Variants in CDH4 observed in about 807,000 individuals in gnomAD.
CDH4 encodes the protein cadherin-4.
In CDH4, 33 loss-of-function variants were observed where a neutral mutation model predicts 86.0. The ratio of observed to expected loss-of-function variants is 0.38; its 90% CI spans 0.29 to 0.51. The LOEUF is 0.51. Ranked by LOEUF, CDH4 falls within the 20% of genes least tolerant of loss-of-function variation. CDH4 has a pLI of 0.86. For missense variants in CDH4, 1,114 were observed against 1,307.4 expected (o/e 0.85, Z 2.28); for synonymous variants, 555 against 549.4 (o/e 1.01, Z -0.14).
chr20:61,751,624 C>A (rs1004251531), intron 3 of CDH4, among the ~76,000 whole-genome samples: 1 of 152,314 alleles, frequency 6.6e-6, no homozygotes, highest in African/African-American at 2.4e-5. Flanking sequence ...AGCCCACAGG[C>A]CTTTTATGGC....
intron 2 of CDH4, among the ~76,000 whole-genome samples, chr20:61,710,384 C>T (rs372238956): frequency 2.6e-5 from 4 of 152,200 alleles, no homozygotes; most frequent in African/African-American, 4.8e-5. Context: ...TGGATGAAGG[C>T]GGTACAGGAA....
chr20:61,850,007 C>T (rs779212381), intron 5 of CDH4, among the ~76,000 whole-genome samples: 8 of 152,328 alleles, frequency 5.3e-5, no homozygotes, highest in South Asian at 2.1e-4. Flanking sequence ...GTGGCGAGGA[C>T]GCATCCCCAG....
At chr20:61,758,302 G>A (rs892791085) in intron 3 of CDH4, among the ~76,000 whole-genome samples, 1 of 152,198 alleles carries the variant, frequency 6.6e-6, no homozygotes, top group African/African-American at 2.4e-5. Flanking sequence ...CAGATGCAAA[G>A]AGCCAAGCCA....
intron 2 of CDH4, among the ~76,000 whole-genome samples, chr20:61,291,818 T>TTA (rs2084322929): frequency 6.6e-6 from 1 of 152,198 alleles, no homozygotes; most frequent in African/African-American, 2.4e-5. Context: ...TCACAAGGGC[T>TTA]TATTATACAT....
intron 2 of CDH4, among the ~76,000 whole-genome samples, chr20:61,631,324 G>C (rs749596842): frequency 1.3e-5 from 2 of 152,226 alleles, no homozygotes; most frequent in East Asian, 3.9e-4. Context: ...CTTCAAGTTC[G>C]GTGGGGCTTG....
In CDH4 at chr20:61,491,784, T is replaced by C. The variant is rs555660244; in HGVS notation, c.169+236847T>C. Reference sequence around the variant, plus strand: ...GTGCCATTGCTCTTGATGTTGATGCTGATGTAATGGTGTTGATGTTGGTGG... The same window carrying C: ...GTGCCATTGCTCTTGATGTTGATGCCGATGTAATGGTGTTGATGTTGGTGG... On this transcript the variant is annotated intron_variant, in intron 2 of 15. Coordinates refer to ENST00000614565, the MANE Select transcript of CDH4 (RefSeq NM_001794.5). Among the ~76,000 whole-genome samples, 73 of 152,278 alleles carry C rather than the reference T, an allele frequency of 4.8e-4. 3 individuals carry two copies. The South Asian group carries it at 0.015, about 31-fold the overall frequency.
At chr20:61,928,686 C>T (rs943627007) in intron 12 of CDH4, among the ~76,000 whole-genome samples, 3 of 152,228 alleles carry the variant, frequency 2.0e-5, no homozygotes, top group Admixed American at 1.3e-4. Flanking sequence ...TGCCCATGTA[C>T]ATCCATGACA....
At chr20:61,286,004 C>A (rs575704352) in intron 2 of CDH4, among the ~76,000 whole-genome samples, 1 of 152,204 alleles carries the variant, frequency 6.6e-6, no homozygotes, top group East Asian at 1.9e-4. Flanking sequence ...TTTCCTTCCC[C>A]CTTCCTATGA....
chr20:61,591,512 A>G (rs2145732455), intron 2 of CDH4, among the ~76,000 whole-genome samples: 1 of 152,302 alleles, frequency 6.6e-6, no homozygotes, highest in African/African-American at 2.4e-5. Flanking sequence ...GATGAAAAAA[A>G]AATCAGCCTC....
At chr20:61,410,858 C>T (rs546772766) in intron 2 of CDH4, among the ~76,000 whole-genome samples, 271 of 152,032 alleles carry the variant, frequency 1.8e-3, no homozygotes, top group African/African-American at 6.0e-3. Flanking sequence ...TCCGTCCGTC[C>T]GTCCATCTAT....
Position 61,902,029 on chromosome 20 carries a change from A to G in CDH4, c.1188+6982A>G, listed in dbSNP as rs577646636. The stretch of plus-strand genomic sequence containing the variant: ...GGGACAGACAAAAATTAAGTACAGC[A>G]GCAAATCACCAAGATGCAGTCCTGC... On this transcript the variant is annotated intron_variant, in intron 8 of 15. Coordinates refer to ENST00000614565, the MANE Select transcript of CDH4 (RefSeq NM_001794.5). This position sits in a 1 kb window ranked among gnomAD's most constrained non-coding sequence, Gnocchi z 4.6. 8.5e-5 allele frequency among the ~76,000 whole-genome samples: 13 copies of G among 152,320 alleles called. No individual in the cohort carries two copies. The East Asian group carries it at 2.5e-3, about 29-fold the overall frequency.
chr20:61,538,807 A>G (rs1244110714), intron 2 of CDH4, among the ~76,000 whole-genome samples: 2 of 152,186 alleles, frequency 1.3e-5, no homozygotes, highest in East Asian at 3.9e-4. Context: ...TAATCAGCAC[A>G]TACTTGCTGG....
chr20:61,398,798 G>A (rs1432558243), intron 2 of CDH4, among the ~76,000 whole-genome samples: 1 of 152,230 alleles, frequency 6.6e-6, no homozygotes, highest in African/African-American at 2.4e-5. Flanking sequence ...TGTCTTGGAG[G>A]AAGATTGGCC....
In CDH4 at chr20:61,937,354, G is replaced by A. The variant is rs1253486750; in HGVS notation, c.*411G>A. 5.7e-5 allele frequency: 9 copies of A among 157,232 alleles called. No individual in the cohort carries two copies. The highest frequency in any genetic ancestry group is 1.2e-4 in the African/African-American group (5 of 41,508). The allele number at this position is 157,232 out of a possible 1,614,324, so 9.7% of individuals were successfully genotyped here. On this transcript the variant is annotated 3_prime_UTR_variant, in exon 16 of 16. Transcript: ENST00000614565. ...CCGTCCCCACCTTCCCATCCCGAGC[G>A]GCCTCCAACCCCAGCTAGTCCCAGC... is the stretch of plus-strand genomic sequence containing the variant.
At chr20:61,736,586 T>C (rs928182188) in intron 2 of CDH4, among the ~76,000 whole-genome samples, 3 of 147,540 alleles carry the variant, frequency 2.0e-5, no homozygotes, top group Non-Finnish European at 4.5e-5. Context: ...GTCATGCGAA[T>C]GGATGAAGGG....
chr20:61,520,665 G>C (rs182414600), intron 2 of CDH4, among the ~76,000 whole-genome samples: 5 of 152,256 alleles, frequency 3.3e-5, no homozygotes, highest in African/African-American at 1.2e-4. Flanking sequence ...GCTCAGTGAC[G>C]GTGATGCGGG....
At chr20:61,860,503 G>T (rs1259370566) in intron 6 of CDH4, among the ~76,000 whole-genome samples, 1 of 152,240 alleles carries the variant, frequency 6.6e-6, no homozygotes, top group Non-Finnish European at 1.5e-5. Context: ...CCTGCCAGGA[G>T]GACTTGGGTG....
chr20:61,360,613 AC>A (rs2084778388), intron 2 of CDH4, among the ~76,000 whole-genome samples: 1 of 152,142 alleles, frequency 6.6e-6, no homozygotes, highest in Non-Finnish European at 1.5e-5. Flanking sequence ...TCAGAATGTC[AC>A]CACCCAGTCC....
intron 2 of CDH4, among the ~76,000 whole-genome samples, chr20:61,434,122 A>T (rs1397632439): frequency 6.6e-6 from 1 of 152,108 alleles, no homozygotes; most frequent in East Asian, 1.9e-4. Context: ...GGTTACTTCC[A>T]CCTTGGAGTA....
Sources: gnomAD v4.1 joint callset for allele counts (sites outside exome capture counted in the v4.1 genomes callset) on GRCh38, gnomAD v4.1.1 for gene constraint, Gnocchi (gnomAD v3.1) non-coding constraint, MANE v1.5 for transcripts, NCBI Gene and HGNC (gene_info 2026-07-23, HGNC 2026-07-21) for gene names.